The following SPOCK1 variants were observed in gnomAD, a reference collection of about 807,000 sequenced individuals.
SPOCK1 encodes the protein SPARC (osteonectin), cwcv and kazal like domains proteoglycan 1, also known as testican-1.
A neutral mutation model predicts 55.3 loss-of-function variants in SPOCK1; 23 were observed. The ratio of observed to expected loss-of-function variants is 0.42; its 90% CI spans 0.30 to 0.59. SPOCK1 has a LOEUF of 0.59. Among genes scored for constraint, SPOCK1 ranks in the 20% least tolerant of loss-of-function variants. SPOCK1 has a pLI of 0.22. For missense variants in SPOCK1, 499 were observed against 552.5 expected (o/e 0.90, Z 0.97); for synonymous variants, 226 against 221.0 (o/e 1.02, Z -0.20).
At chr5:137,097,427 C>T (rs1277192251) in intron 5 of SPOCK1, among the ~76,000 whole-genome samples, 1 of 152,168 alleles carries the variant, frequency 6.6e-6, no homozygotes, top group African/African-American at 2.4e-5. Context: ...CTTAGAAATT[C>T]GAGCAAAGCC....
chr5:137,159,250 A>C (rs1286285429), intron 3 of SPOCK1, among the ~76,000 whole-genome samples: 1 of 152,202 alleles, frequency 6.6e-6, no homozygotes, highest in Non-Finnish European at 1.5e-5. Flanking sequence ...GAGGCAAGAA[A>C]ATACAGACTT....
chr5:137,469,209 G>A (rs1361541787), intron 2 of SPOCK1, among the ~76,000 whole-genome samples: 1 of 152,188 alleles, frequency 6.6e-6, no homozygotes, highest in East Asian at 1.9e-4. Flanking sequence ...TGAGAAAGCT[G>A]TGGGCTTGAT....
chr5:137,494,844 G>C (rs916097817), intron 2 of SPOCK1, among the ~76,000 whole-genome samples: 2 of 152,170 alleles, frequency 1.3e-5, no homozygotes, highest in Admixed American at 1.3e-4. Context: ...ATTTCCTTAT[G>C]GTAATGGTTA....
chr5:137,483,425 G>T (rs775977818), intron 2 of SPOCK1, among the ~76,000 whole-genome samples: 1 of 152,176 alleles, frequency 6.6e-6, no homozygotes, highest in Non-Finnish European at 1.5e-5. Flanking sequence ...AACAAGAGGA[G>T]CCATATGCCC....
At chr5:137,328,410 T>C (rs1047407547) in intron 2 of SPOCK1, among the ~76,000 whole-genome samples, 3 of 151,972 alleles carry the variant, frequency 2.0e-5, no homozygotes, top group Admixed American at 2.0e-4. Context: ...GAAGAGAAAA[T>C]ATGATCCATG....
intron 2 of SPOCK1, among the ~76,000 whole-genome samples, chr5:137,282,402 A>C (rs892340128): frequency 6.6e-6 from 1 of 152,262 alleles, no homozygotes; most frequent in South Asian, 2.1e-4. Context: ...CAGAGCTGCA[A>C]GCAAACACGC....
At chr5:137,326,797 C>T (rs547028052) in intron 2 of SPOCK1, among the ~76,000 whole-genome samples, 5 of 152,272 alleles carry the variant, frequency 3.3e-5, no homozygotes, top group Non-Finnish European at 5.9e-5. Context: ...TTTGACTGTT[C>T]GGAATTTTAA....
chr5:137,238,562 TAG>T (rs1322839879), intron 3 of SPOCK1, among the ~76,000 whole-genome samples: 2 of 152,118 alleles, frequency 1.3e-5, no homozygotes, highest in Non-Finnish European at 2.9e-5. Flanking sequence ...CATGACCAAA[TAG>T]AGTTTACACA....
At chr5:137,277,080 T>C (rs1757081767) in intron 2 of SPOCK1, among the ~76,000 whole-genome samples, 3 of 152,126 alleles carry the variant, frequency 2.0e-5, no homozygotes, top group African/African-American at 7.2e-5. Context: ...AGTGGCACAA[T>C]TGTAGGTCAC....
chr5:137,234,613 T>C (rs1467180915), intron 3 of SPOCK1, among the ~76,000 whole-genome samples: 1 of 152,214 alleles, frequency 6.6e-6, no homozygotes, highest in Non-Finnish European at 1.5e-5. Context: ...GAGTGAGATA[T>C]TTCTTTCAAT....
intron 5 of SPOCK1, among the ~76,000 whole-genome samples, chr5:137,085,824 T>G (rs1425864144): frequency 6.6e-6 from 1 of 152,192 alleles, no homozygotes; most frequent in Non-Finnish European, 1.5e-5. Flanking sequence ...GGTGGAAAGC[T>G]GTATCTCACC....
Position 137,206,573 on chromosome 5 carries a change from G to T in SPOCK1, c.232+60437C>A, listed in dbSNP as rs116778117. Reference sequence around the variant, plus strand: ...CAAGAAGCAAGAGACTTGCCCCACCGTGTGTCTGTTTCTTCACTTATATCA... The same window carrying T: ...CAAGAAGCAAGAGACTTGCCCCACCTTGTGTCTGTTTCTTCACTTATATCA... On this transcript the variant is annotated intron_variant, in intron 3 of 10. Transcript: ENST00000394945. Among the ~76,000 whole-genome samples, 672 of 152,322 alleles carry T rather than the reference G, an allele frequency of 4.4e-3. 10 individuals carry two copies. Among genetic ancestry groups the T allele is most frequent in the African/African-American group, 0.016 (653 of 41,578 alleles).
chr5:137,064,134 G>A (rs1316255423), intron 6 of SPOCK1, among the ~76,000 whole-genome samples: 1 of 151,862 alleles, frequency 6.6e-6, no homozygotes, highest in Non-Finnish European at 1.5e-5. Context: ...CCTAACTGAA[G>A]ATGTTAAGAA....
At chr5:137,151,826 A>T (rs1247203486) in intron 3 of SPOCK1, among the ~76,000 whole-genome samples, 1 of 152,176 alleles carries the variant, frequency 6.6e-6, no homozygotes, top group African/African-American at 2.4e-5. Context: ...TGAGCTACAA[A>T]GCATTTGCAG....
intron 2 of SPOCK1, among the ~76,000 whole-genome samples, chr5:137,297,300 C>G (rs1011105511): frequency 3.3e-5 from 5 of 152,158 alleles, no homozygotes; most frequent in Non-Finnish European, 5.9e-5. Context: ...AACTATGATT[C>G]ATTCACTCCA....
At chr5:137,133,796 G>T (rs1183686621) in intron 4 of SPOCK1, among the ~76,000 whole-genome samples, 1 of 152,122 alleles carries the variant, frequency 6.6e-6, no homozygotes, top group African/African-American at 2.4e-5. Flanking sequence ...AGCCAAGAAG[G>T]GGAAAAATGA....
At chr5:137,318,773 G>A (rs190634298) in intron 2 of SPOCK1, among the ~76,000 whole-genome samples, 2 of 152,166 alleles carry the variant, frequency 1.3e-5, no homozygotes, top group South Asian at 2.1e-4. Context: ...GCATATATGA[G>A]ACAGCACAGA....
At chr5:137,064,175 A>G (rs1752451155) in intron 6 of SPOCK1, among the ~76,000 whole-genome samples, 1 of 152,100 alleles carries the variant, frequency 6.6e-6, no homozygotes, top group Non-Finnish European at 1.5e-5. Context: ...CCCAAAGAAA[A>G]AGAAAACACC....
At chr5:137,383,120 G>A (rs966841255) in intron 2 of SPOCK1, among the ~76,000 whole-genome samples, 3 of 152,218 alleles carry the variant, frequency 2.0e-5, no homozygotes, top group Admixed American at 2.0e-4. Context: ...CATTTACTGT[G>A]AGTCCTTAGA....
Sources: allele counts gnomAD v4.1 joint callset (sites outside exome capture counted in the v4.1 genomes callset), GRCh38; gene constraint gnomAD v4.1.1; transcripts MANE v1.5; gene names NCBI Gene and HGNC (gene_info 2026-07-23, HGNC 2026-07-21).